Variants in STXBP6 observed in about 807,000 individuals in gnomAD.
STXBP6 encodes syntaxin-binding protein 6.
STXBP6 carries 21 observed loss-of-function variants against 26.9 expected under a neutral mutation model. The observed-to-expected ratio is 0.78, with a 90% CI of 0.55 to 1.12. The LOEUF is 1.12. STXBP6 is among the 50% of genes most tolerant of loss of function. The pLI, the probability that STXBP6 is intolerant of heterozygous loss-of-function variation, is 0.00. For synonymous variants in STXBP6, 97 were observed against 92.6 expected, an observed-to-expected ratio of 1.05 and a Z score of -0.27; for missense variants, 232 against 257.9, an observed-to-expected ratio of 0.90 and a Z score of 0.69.
At position 24,810,947 on chromosome 14, in the gene STXBP6, T is replaced by C. The variant is rs1025335233; in HGVS notation, c.*1762A>G. 2.0e-4 allele frequency: 30 copies of C among 150,406 alleles called. No homozygotes were observed. The highest frequency in any genetic ancestry group is 6.8e-4 in the African/African-American group (28 of 40,922). The allele number at this position is 150,406 out of a possible 1,614,324, so 9.3% of individuals were successfully genotyped here. ...AAACAAAATCTATTTGGAGTGATAT[T>C]TGGGGCTTTTCCTAGAAATTAAAAT... On this transcript the variant is annotated 3_prime_UTR_variant, in exon 6 of 6. Transcript: ENST00000323944.
At chr14:24,943,308 C>G (rs1253652058) in intron 2 of STXBP6, among the ~76,000 whole-genome samples, 1 of 152,200 alleles carries the variant, frequency 6.6e-6, no homozygotes, top group Non-Finnish European at 1.5e-5. Context: ...TGTGGCCCTG[C>G]AGGTGGCCCA....
At chr14:24,983,867 CTA>C (rs1221138476) in intron 1 of STXBP6, among the ~76,000 whole-genome samples, 1 of 152,070 alleles carries the variant, frequency 6.6e-6, no homozygotes, top group Non-Finnish European at 1.5e-5. Flanking sequence ...AGTTTGAAAC[CTA>C]TAAAAACCTA....
chr14:24,878,783 A>T (rs753781548), intron 2 of STXBP6: 1 of 452,904 alleles, frequency 2.2e-6, no homozygotes, highest in South Asian at 1.6e-5. Context: ...AAATTCACTA[A>T]ATGTTTTCTC....
At chr14:25,035,795 G>A (rs1595356554) in intron 1 of STXBP6, among the ~76,000 whole-genome samples, 1 of 152,088 alleles carries the variant, frequency 6.6e-6, no homozygotes, top group African/African-American at 2.4e-5. Context: ...CAAGTACTCT[G>A]CAGTAAAAAC....
chr14:24,881,849 G>C (rs1438058865), intron 2 of STXBP6, among the ~76,000 whole-genome samples: 1 of 152,222 alleles, frequency 6.6e-6, no homozygotes, highest in Admixed American at 6.5e-5. Flanking sequence ...GTTGGCTGGA[G>C]CGAAGATGTG....
intron 2 of STXBP6, among the ~76,000 whole-genome samples, chr14:24,965,727 G>A (rs574026803): frequency 6.6e-6 from 1 of 152,274 alleles, no homozygotes; most frequent in African/African-American, 2.4e-5. Flanking sequence ...TTTACCATAA[G>A]TCAGTCTTCT....
chr14:24,871,907 C>T (rs897244133), intron 2 of STXBP6, among the ~76,000 whole-genome samples: 1 of 152,178 alleles, frequency 6.6e-6, no homozygotes, highest in Non-Finnish European at 1.5e-5. Flanking sequence ...AATGCATCTG[C>T]TCGAGAGTCT....
At chr14:24,942,015 T>A in intron 2 of STXBP6, among the ~76,000 whole-genome samples, 1 of 152,330 alleles carries the variant, frequency 6.6e-6, no homozygotes, top group South Asian at 2.1e-4. Flanking sequence ...TCTTTCTGTG[T>A]CTGAGAAACA....
chr14:24,950,074 T>C (rs997593151), intron 2 of STXBP6, among the ~76,000 whole-genome samples: 3 of 152,176 alleles, frequency 2.0e-5, no homozygotes, highest in African/African-American at 7.2e-5. Flanking sequence ...CTAAATTTAG[T>C]CTATCTAAAA....
chr14:24,823,869 A>G (rs1054602518), intron 4 of STXBP6, among the ~76,000 whole-genome samples: 22 of 152,350 alleles, frequency 1.4e-4, no homozygotes, highest in Non-Finnish European at 2.6e-4. Context: ...GAGACCTATT[A>G]TATTTAATCT....
chr14:24,870,422 T>C (rs2069885083), intron 2 of STXBP6, among the ~76,000 whole-genome samples: 1 of 152,202 alleles, frequency 6.6e-6, no homozygotes, highest in South Asian at 2.1e-4. Context: ...CGATTTTACA[T>C]GTACGGTTTG....
intron 2 of STXBP6, among the ~76,000 whole-genome samples, chr14:24,879,875 C>T (rs1032248406): frequency 5.9e-5 from 9 of 152,142 alleles, no homozygotes; most frequent in African/African-American, 2.2e-4. Context: ...GCAGCAAATG[C>T]CCGCTGAGGG....
chr14:25,015,003 T>C (rs1048830840), intron 1 of STXBP6, among the ~76,000 whole-genome samples: 2 of 152,246 alleles, frequency 1.3e-5, no homozygotes, highest in African/African-American at 4.8e-5. Flanking sequence ...CAAAGCTCTA[T>C]TGATGGCTGC....
intron 4 of STXBP6, among the ~76,000 whole-genome samples, chr14:24,851,769 C>A (rs570115531): frequency 6.6e-6 from 1 of 152,202 alleles, no homozygotes; most frequent in South Asian, 2.1e-4. Flanking sequence ...GTGGTCATGT[C>A]ACATTTCAGC....
At chr14:25,028,681 T>G (rs1450545566) in intron 1 of STXBP6, among the ~76,000 whole-genome samples, 2 of 152,144 alleles carry the variant, frequency 1.3e-5, no homozygotes, top group African/African-American at 4.8e-5. Context: ...ATTTAAGAAA[T>G]ACCTTTCATT....
chr14:25,026,968 T>C (rs952709638), intron 1 of STXBP6, among the ~76,000 whole-genome samples: 2 of 152,188 alleles, frequency 1.3e-5, no homozygotes, highest in Admixed American at 1.3e-4. Context: ...ATTGCAAGCA[T>C]GCATACATGC....
At chr14:25,027,044 G>C (rs2075362749) in intron 1 of STXBP6, among the ~76,000 whole-genome samples, 1 of 152,064 alleles carries the variant, frequency 6.6e-6, no homozygotes, top group East Asian at 1.9e-4. Context: ...CCAATTGCGG[G>C]GACAGAAATG....
At chr14:25,016,233 C>T (rs980847761) in intron 1 of STXBP6, among the ~76,000 whole-genome samples, 2 of 152,140 alleles carry the variant, frequency 1.3e-5, no homozygotes, top group Admixed American at 6.5e-5. Context: ...AAGATTTTTA[C>T]AAACTTCTAT....
intron 1 of STXBP6, among the ~76,000 whole-genome samples, chr14:24,988,683 G>T (rs2074392971): frequency 6.6e-6 from 1 of 152,226 alleles, no homozygotes; most frequent in African/African-American, 2.4e-5. Context: ...TCTGTGCAAT[G>T]GGTGTGCCCT....
Sources: gnomAD v4.1 joint callset for allele counts (sites outside exome capture counted in the v4.1 genomes callset) on GRCh38, gnomAD v4.1.1 for gene constraint, MANE v1.5 for transcripts, NCBI Gene and HGNC (gene_info 2026-07-23, HGNC 2026-07-21) for gene names.